Variants in CYB5R4 observed in about 807,000 individuals in gnomAD.
CYB5R4 encodes the protein cytochrome b5 reductase 4.
A neutral mutation model predicts 70.2 loss-of-function variants in CYB5R4; 55 were observed. The ratio of observed to expected loss-of-function variants is 0.78; its 90% CI spans 0.63 to 0.98. The LOEUF (loss-of-function observed/expected upper bound fraction) is 0.98. Among genes scored for constraint, CYB5R4 ranks in the 50% least tolerant of loss-of-function variants. The pLI, the probability that CYB5R4 is intolerant of heterozygous loss-of-function variation, is 0.00. For synonymous variants in CYB5R4, 197 were observed against 199.5 expected, an observed-to-expected ratio of 0.99 and a Z score of 0.11; for missense variants, 562 against 612.6, an observed-to-expected ratio of 0.92 and a Z score of 0.87.
At chr6:83,922,743 T>C (rs2129140186) in intron 9 of CYB5R4, among the ~76,000 whole-genome samples, 1 of 152,238 alleles carries the variant, frequency 6.6e-6, no homozygotes, top group South Asian at 2.1e-4. Context: ...TTTTTAAATA[T>C]ACCCCTCCCT....
chr6:83,961,175 A>G lies in CYB5R4; in HGVS notation c.*1297A>G, dbSNP rs1229803885. 1 of 152,188 alleles carries G rather than the reference A, an allele frequency of 6.6e-6. No homozygotes were observed. Among genetic ancestry groups the G allele is most frequent in the Non-Finnish European group, 1.5e-5 (1 of 68,056 alleles). 9.4% of individuals were successfully genotyped at this position (152,188 alleles called of 1,614,324 possible). On this transcript the variant is annotated 3_prime_UTR_variant, in exon 16 of 16. Coordinates refer to ENST00000369681, the MANE Select transcript of CYB5R4 (RefSeq NM_016230.4). ...ATGTGCAAATGGCTGGTTGAACACT[A>G]TCACTTTTTCCTGTGCCTCTGTCTT...
At chr6:83,870,593 A>G (rs372383146) in intron 2 of CYB5R4, among the ~76,000 whole-genome samples, 57 of 152,200 alleles carry the variant, frequency 3.7e-4, no homozygotes, top group African/African-American at 1.3e-3. Context: ...AATTTGTAAT[A>G]GAACATATTA....
rs79403529 is a variant in CYB5R4, at chr6:83,883,074, T to G, written c.230-10448T>G. Among the ~76,000 whole-genome samples the G allele has an allele frequency of 3.6e-3, 544 of 152,010 alleles. 15 individuals are homozygous for G. The East Asian group carries it at 0.079, about 22-fold the overall frequency. ...AAAATAGAAATTTAGAATTGAAAAA[T>G]ACATGAAATAACAAATTTGTTGAAT... On this transcript the variant is annotated intron_variant, in intron 2 of 15. Coordinates refer to ENST00000369681, the MANE Select transcript of CYB5R4 (RefSeq NM_016230.4).
intron 2 of CYB5R4, among the ~76,000 whole-genome samples, chr6:83,870,211 AGT>A (rs1482095928): frequency 6.6e-6 from 1 of 152,166 alleles, no homozygotes; most frequent in Non-Finnish European, 1.5e-5. Flanking sequence ...TCGCTAATTC[AGT>A]GTTTGCAGCA....
chr6:83,952,177 A>G (rs187801641), intron 14 of CYB5R4, among the ~76,000 whole-genome samples: 8 of 152,252 alleles, frequency 5.3e-5, no homozygotes, highest in Non-Finnish European at 1.0e-4. Context: ...AAACGGGACT[A>G]TTTACCCACT....
intron 2 of CYB5R4, among the ~76,000 whole-genome samples, chr6:83,889,520 G>T (rs2099460777): frequency 6.6e-6 from 1 of 152,178 alleles, no homozygotes; most frequent in Non-Finnish European, 1.5e-5. Flanking sequence ...ATGGTTTACT[G>T]AATATTTTAA....
chr6:83,925,004 G>A (rs1429740182), intron 10 of CYB5R4, among the ~76,000 whole-genome samples: 2 of 152,080 alleles, frequency 1.3e-5, no homozygotes, highest in East Asian at 1.9e-4. Context: ...TGGTTTCTCA[G>A]TTTACTTCTT....
At chr6:83,952,171 G>A (rs537627342) in intron 14 of CYB5R4, among the ~76,000 whole-genome samples, 226 of 152,144 alleles carry the variant, frequency 1.5e-3, no homozygotes, top group African/African-American at 5.0e-3. Flanking sequence ...CAAAGGAAAC[G>A]GGACTATTTA....
chr6:83,934,148 C>T (rs1331402101), intron 10 of CYB5R4, among the ~76,000 whole-genome samples: 1 of 151,548 alleles, frequency 6.6e-6, no homozygotes, highest in East Asian at 1.9e-4. Context: ...AATCTCAACA[C>T]TTTGGGAAGC....
chr6:83,876,498 C>CTTTT (rs11399515), intron 2 of CYB5R4, among the ~76,000 whole-genome samples: 4 of 144,040 alleles, frequency 2.8e-5, no homozygotes, highest in Non-Finnish European at 4.5e-5. Context: ...TACTTCTTTG[C>CTTTT]TTTTTTTTTT....
At chr6:83,880,956 T>C (rs2099459344) in intron 2 of CYB5R4, among the ~76,000 whole-genome samples, 1 of 152,180 alleles carries the variant, frequency 6.6e-6, no homozygotes, top group South Asian at 2.1e-4. Flanking sequence ...AGGTAGATCA[T>C]AATGTTTTGA....
At chr6:83,874,221 C>T (rs974812554) in intron 2 of CYB5R4, among the ~76,000 whole-genome samples, 3 of 139,326 alleles carry the variant, frequency 2.2e-5, no homozygotes, top group African/African-American at 8.0e-5. Context: ...AACAGTGTCT[C>T]ATTCTGTCAC....
intron 5 of CYB5R4, 107 bp downstream of exon 5, chr6:83,914,555 TG>T: frequency 9.9e-7 from 1 of 1,012,040 alleles, no homozygotes; most frequent in Non-Finnish European, 1.3e-6. Context: ...TTTTTCTTTT[TG>T]AGATGGAGTA....
chr6:83,906,369 T>C (rs901511865), intron 3 of CYB5R4, among the ~76,000 whole-genome samples: 3 of 152,160 alleles, frequency 2.0e-5, no homozygotes, highest in Non-Finnish European at 4.4e-5. Flanking sequence ...GCTAGGGCTC[T>C]GAAATGATCG....
chr6:83,932,162 A>G (rs1443656255), intron 10 of CYB5R4, among the ~76,000 whole-genome samples: 1 of 152,144 alleles, frequency 6.6e-6, no homozygotes, highest in East Asian at 1.9e-4. Context: ...ATGCAATTGA[A>G]AGATGAAAAC....
At chr6:83,862,357 A>G (rs1230070295) in intron 1 of CYB5R4, among the ~76,000 whole-genome samples, 3 of 152,254 alleles carry the variant, frequency 2.0e-5, no homozygotes, top group African/African-American at 7.2e-5. Flanking sequence ...CAAGGTGTTT[A>G]GTCTCATAGG....
intron 2 of CYB5R4, among the ~76,000 whole-genome samples, chr6:83,865,304 T>C (rs2099456564): frequency 6.6e-6 from 1 of 152,166 alleles, no homozygotes. Flanking sequence ...CAATAAATGC[T>C]GTATTAATTT....
chr6:83,913,493 C>A (rs1347434915), intron 4 of CYB5R4, among the ~76,000 whole-genome samples: 1 of 152,004 alleles, frequency 6.6e-6, no homozygotes, highest in East Asian at 1.9e-4. Flanking sequence ...TGGTAAATTC[C>A]TTTCAGCTGT....
intron 6 of CYB5R4, among the ~76,000 whole-genome samples, chr6:83,918,928 T>C (rs2099465930): frequency 6.6e-6 from 1 of 152,148 alleles, no homozygotes; most frequent in Non-Finnish European, 1.5e-5. Context: ...TCAATAGCTG[T>C]AACAAAACAG....
Sources: allele counts gnomAD v4.1 joint callset (sites outside exome capture counted in the v4.1 genomes callset), GRCh38; gene constraint gnomAD v4.1.1; transcripts MANE v1.5; gene names NCBI Gene and HGNC (gene_info 2026-07-23, HGNC 2026-07-21).